Variants in KIF1B observed in about 807,000 individuals in gnomAD.
KIF1B encodes the protein kinesin-like protein KIF1B.
A neutral mutation model predicts 241.9 loss-of-function variants in KIF1B; 76 were observed. The observed-to-expected ratio is 0.31, with a 90% confidence interval of 0.26 to 0.38. The LOEUF is 0.38. Among genes scored for constraint, KIF1B ranks in the 10% least tolerant of loss-of-function variants. The pLI is 1.00. For synonymous variants in KIF1B, 750 were observed against 796.7 expected (o/e 0.94, Z 0.99); for missense variants, 1,622 against 2,271.4 (o/e 0.71, Z 5.81).
chr1:10,236,307 A>ACAACAACAACAACAACAACC (rs1557655415), intron 2 of KIF1B, among the ~76,000 whole-genome samples: 1 of 151,656 alleles, frequency 6.6e-6, no homozygotes, highest in Non-Finnish European at 1.5e-5. Context: ...CAACAACAAA[A>ACAACAACAACAACAACAACC]ACCCATATAG....
At chr1:10,223,593 CT>C (rs1646873492) in intron 1 of KIF1B, among the ~76,000 whole-genome samples, 1 of 144,378 alleles carries the variant, frequency 6.9e-6, no homozygotes, top group African/African-American at 2.6e-5. Context: ...TGTCAACAGG[CT>C]GGAGTGCAGT....
At chr1:10,300,234 G>A (rs974330592) in intron 22 of KIF1B, among the ~76,000 whole-genome samples, 1 of 89,558 alleles carries the variant, frequency 1.1e-5, no homozygotes, top group Non-Finnish European at 2.5e-5. Context: ...TAGACTCAGT[G>A]TCAAATAATA....
intron 20 of KIF1B, 50 bp downstream of exon 20, chr1:10,296,715 G>T: frequency 6.5e-7 from 1 of 1,536,558 alleles, no homozygotes. Flanking sequence ...CATGGCTTCT[G>T]TGACAACTCT....
intron 7 of KIF1B, among the ~76,000 whole-genome samples, chr1:10,270,618 A>G (rs1023920792): frequency 2.6e-5 from 4 of 152,126 alleles, no homozygotes; most frequent in African/African-American, 9.7e-5. Flanking sequence ...ATTGAGTCTT[A>G]TTGTAGCTCC....
intron 1 of KIF1B, among the ~76,000 whole-genome samples, chr1:10,219,267 C>A (rs571246415): frequency 4.6e-5 from 7 of 151,388 alleles, no homozygotes; most frequent in Admixed American, 2.6e-4. Flanking sequence ...TTGAGACCAG[C>A]CTAACCAACA....
At chr1:10,343,429 T>C (rs1652473948) in intron 34 of KIF1B, 142 bp downstream of exon 34, 5 of 824,346 alleles carry the variant, frequency 6.1e-6, no homozygotes, top group Non-Finnish European at 1.0e-5. Context: ...TGTATGTATC[T>C]AGTAGGAACT....
intron 27 of KIF1B, among the ~76,000 whole-genome samples, chr1:10,332,501 ATTTTTTTTTTTTTTTTTTTT>A (rs568393252): frequency 1.7e-5 from 1 of 58,634 alleles, no homozygotes; most frequent in African/African-American, 6.6e-5. Context: ...GATAATAGTC[ATTTTTTTTTTTTTTTTTTTT>A]TTTTTTTTTT....
intron 1 of KIF1B, among the ~76,000 whole-genome samples, chr1:10,212,673 C>G (rs182213059): frequency 6.6e-6 from 1 of 151,916 alleles, no homozygotes; most frequent in Non-Finnish European, 1.5e-5. Context: ...CCCTTGAGCT[C>G]AGGAGTTCGA....
In KIF1B at chr1:10,365,385, T is replaced by C; in HGVS notation, c.4513-24T>C. On this transcript the variant is annotated intron_variant, in intron 42 of 48. Transcript: ENST00000676179. The surrounding 1 kb of genome is among the most constrained non-coding windows in gnomAD (Gnocchi z 4.0). ...GTCTTAACGAGCTTTGTGTTTGCTATAGCAGTAGTATTGATCTTCTCAGGT... is the reference window on the plus strand; with the variant it reads ...GTCTTAACGAGCTTTGTGTTTGCTACAGCAGTAGTATTGATCTTCTCAGGT... 6.2e-7 allele frequency: 1 copy of C among 1,614,182 alleles called. No homozygotes were observed. The highest frequency in any genetic ancestry group is 1.1e-5 in the South Asian group (1 of 91,074).
At position 10,304,051 on chromosome 1, in the gene KIF1B, C is replaced by G. The variant is rs377168351; in HGVS notation, c.2115+6805C>G. 12 of 1,611,046 alleles carry G rather than the reference C, an allele frequency of 7.4e-6. No individual in the cohort carries two copies. The African/African-American group carries it at 1.5e-4, about 20-fold the overall frequency. On this transcript the variant is annotated intron_variant, in intron 22 of 48. Coordinates refer to ENST00000676179, the MANE Select transcript of KIF1B (RefSeq NM_001365951.3). ...TCATAGGTTCATCCCTCCTGAGAAC[C>G]GGAAGCCCCGCTTCCCCTTTAAGAG... is the stretch of plus-strand genomic sequence containing the variant.
intron 5 of KIF1B, among the ~76,000 whole-genome samples, chr1:10,265,867 AAAAT>A (rs1648431626): frequency 6.6e-6 from 1 of 152,158 alleles, no homozygotes; most frequent in Non-Finnish European, 1.5e-5. Context: ...ATATAAAAAT[AAAAT>A]ACAGTATAAA....
chr1:10,280,598 T>C (rs999969584), intron 14 of KIF1B, among the ~76,000 whole-genome samples: 3 of 152,206 alleles, frequency 2.0e-5, no homozygotes, highest in South Asian at 2.1e-4. Flanking sequence ...AGAAAATGCA[T>C]AGGAGAAACC....
At chr1:10,317,830 C>CA (rs33956409) in intron 22 of KIF1B, among the ~76,000 whole-genome samples, 138,164 of 145,292 alleles carry the variant, frequency 0.95, 65,740 homozygotes, top group East Asian at 1. Context: ...GACTCCACCT[C>CA]AAAAAAAAAA....
In KIF1B at chr1:10,374,955, A is replaced by G. The variant is rs950617876; in HGVS notation, c.5198A>G (p.Tyr1733Cys). The change falls in exon 47 of 49, where the codon TAT becomes TGT. Residue 1733 changes from tyrosine to cysteine, a missense_variant. Physicochemically the swap from Tyr to Cys is radical, Grantham distance 194. This residue lies in a region of KIF1B where 357 missense variants were observed against 409.0 expected (regional missense o/e 0.87). Transcript: ENST00000676179. This position sits in a 1 kb window ranked among gnomAD's most constrained non-coding sequence, Gnocchi z 4.3. ...GTCCGTCGGCCTTATGTCTTCATCT[A>G]TAACAGTGACAAAGACCCTGTGGAG... Reference protein sequence around the residue: ...VVVRRPYVFIYNSDKDPVERG... With the variant: ...VVVRRPYVFICNSDKDPVERG... 4 of 1,614,122 alleles carry G rather than the reference A, an allele frequency of 2.5e-6. No individual in the cohort carries two copies. The highest frequency in any genetic ancestry group is 3.4e-6 in the Non-Finnish European group (4 of 1,179,984).
chr1:10,297,287 G>C (rs377495775), intron 22 of KIF1B, 41 bp downstream of exon 22: 2 of 1,554,894 alleles, frequency 1.3e-6, no homozygotes, highest in African/African-American at 1.4e-5. Context: ...GAAAAGGGCA[G>C]CTTGTTCCCA....
At chr1:10,295,555 C>CT in intron 18 of KIF1B, 105 bp from the exon 19 acceptor site, 1 of 1,058,692 alleles carries the variant, frequency 9.4e-7, no homozygotes, top group Non-Finnish European at 1.5e-6. Flanking sequence ...AAGGCAATAC[C>CT]TTTTTTGTAC....
intron 17 of KIF1B, 27 bp from the exon 18 acceptor site, chr1:10,295,059 A>T: frequency 6.6e-7 from 1 of 1,517,582 alleles, no homozygotes; most frequent in Non-Finnish European, 9.2e-7. Flanking sequence ...GCCCTGCTCC[A>T]AATTGATCAT....
chr1:10,368,892 T>C (rs1183060744), intron 44 of KIF1B, among the ~76,000 whole-genome samples: 1 of 151,760 alleles, frequency 6.6e-6, no homozygotes, highest in African/African-American at 2.4e-5. Flanking sequence ...TAAAGTTTTA[T>C]TGACTTCAAC....
chr1:10,250,645 C>G (rs961361756), intron 2 of KIF1B, among the ~76,000 whole-genome samples: 14 of 152,074 alleles, frequency 9.2e-5, no homozygotes, highest in African/African-American at 2.4e-4. Context: ...GGCAACATGG[C>G]AAAGCCCCAT....
Sources: allele counts gnomAD v4.1 joint callset (sites outside exome capture counted in the v4.1 genomes callset), GRCh38; gene constraint gnomAD v4.1.1; regional missense constraint gnomAD v4.1.1; non-coding constraint Gnocchi (gnomAD v3.1); transcripts MANE v1.5; gene names NCBI Gene and HGNC (gene_info 2026-07-23, HGNC 2026-07-21).